The following TATDN2 variants were observed in gnomAD, a reference collection of about 807,000 sequenced individuals.
The protein encoded by TATDN2 is 3'-5' RNA nuclease TATDN2.
Under a neutral mutation model 60.3 loss-of-function variants are expected in TATDN2, and 44 were observed. The observed-to-expected ratio is 0.73, with a 90% CI of 0.57 to 0.94. TATDN2 has a LOEUF of 0.94. Among genes scored for constraint, TATDN2 ranks in the 40% least tolerant of loss-of-function variants. The pLI, the probability that TATDN2 is intolerant of heterozygous loss-of-function variation, is 0.00. For synonymous variants in TATDN2, 399 were observed against 355.8 expected (o/e 1.12, Z -1.37); for missense variants, 997 against 948.0 (o/e 1.05, Z -0.68).
At chr3:10,277,937 G>T (rs1448395131) in intron 5 of TATDN2, among the ~76,000 whole-genome samples, 1 of 152,086 alleles carries the variant, frequency 6.6e-6, no homozygotes, top group Non-Finnish European at 1.5e-5. Flanking sequence ...TTTATATGCT[G>T]TCGTTGTCAT....
chr3:10,268,416 A>G (rs1698510711), intron 3 of TATDN2, among the ~76,000 whole-genome samples: 1 of 152,256 alleles, frequency 6.6e-6, no homozygotes, highest in African/African-American at 2.4e-5. Context: ...TGAATTACAT[A>G]TACTCATAAA....
rs1388201228 is a variant in TATDN2, at chr3:10,278,971, C to T, written c.2232C>T (p.Leu744=). ...REIARVKDQP[L]SLTLAALREN... ...TTGCCAGAGTCAAAGATCAGCCACT[C>T]TCCCTCACCTTGGCTGCCTTGCGTG... The change falls in exon 7 of 8, where the codon CTC becomes CTT. Residue 744 remains leucine (L), a synonymous_variant. Coordinates refer to ENST00000448281, the MANE Select transcript of TATDN2 (RefSeq NM_014760.4). The surrounding 1 kb of genome is among the most constrained non-coding windows in gnomAD (Gnocchi z 4.7). 1.2e-6 allele frequency: 2 copies of T among 1,614,216 alleles called. No homozygotes were observed. Among genetic ancestry groups the T allele is most frequent in the Admixed American group, 3.3e-5 (2 of 60,012 alleles).
intron 1 of TATDN2, 24 bp downstream of exon 1, chr3:10,249,091 C>G: frequency 2.2e-6 from 3 of 1,346,958 alleles, no homozygotes; most frequent in Non-Finnish European, 3.0e-6. Flanking sequence ...GCCCCTGGCT[C>G]TGCCCTTATG....
intron 3 of TATDN2, among the ~76,000 whole-genome samples, chr3:10,266,125 C>T (rs1698471723): frequency 6.6e-6 from 1 of 152,174 alleles, no homozygotes; most frequent in African/African-American, 2.4e-5. Flanking sequence ...TGTGTGCTTT[C>T]CCCTTGTAGG....
intron 2 of TATDN2, among the ~76,000 whole-genome samples, chr3:10,251,098 T>A (rs1355586150): frequency 6.6e-6 from 1 of 152,136 alleles, no homozygotes; most frequent in African/African-American, 2.4e-5. Flanking sequence ...AAAGGGGCCT[T>A]GTTTTGCAAG....
chr3:10,256,421 C>T (rs1698309515), intron 2 of TATDN2, among the ~76,000 whole-genome samples: 1 of 152,042 alleles, frequency 6.6e-6, no homozygotes, highest in Non-Finnish European at 1.5e-5. Context: ...AATGATCCTC[C>T]TGCCTTGGCC....
chr3:10,278,305 T>G lies in TATDN2; in HGVS notation c.1988T>G (p.Val663Gly). ...CATTGCTTCACCGGCAGCTACCCGG[T>G]CATTGAGCCCCTGCTGAAGTACTTT... is the stretch of plus-strand genomic sequence containing the variant. ...HRHCFTGSYP[V>G]IEPLLKYFPN... The change falls in exon 6 of 8, where the codon GTC becomes GGC. Residue 663 changes from valine (V) to glycine (G), a missense_variant. Val to Gly is a moderately radical substitution (Grantham distance 109). Transcript: ENST00000448281. This position sits in a 1 kb window ranked among gnomAD's most constrained non-coding sequence, Gnocchi z 4.7. 6.2e-7 allele frequency: 1 copy of G among 1,614,082 alleles called. No individual in the cohort carries two copies.
intron 2 of TATDN2, among the ~76,000 whole-genome samples, chr3:10,256,523 C>T (rs1336135387): frequency 3.3e-5 from 5 of 152,032 alleles, no homozygotes; most frequent in Admixed American, 3.3e-4. Flanking sequence ...CAGAACCGTG[C>T]CTGCTGGCAC....
chr3:10,258,132 C>G (rs1425055557), intron 2 of TATDN2, among the ~76,000 whole-genome samples: 4 of 151,666 alleles, frequency 2.6e-5, no homozygotes, highest in African/African-American at 4.8e-5. Context: ...ACATTAGCCA[C>G]CGCGCCCAGC....
At chr3:10,268,636 A>G (rs374541265) in intron 3 of TATDN2, among the ~76,000 whole-genome samples, 2 of 152,208 alleles carry the variant, frequency 1.3e-5, no homozygotes, top group African/African-American at 4.8e-5. Context: ...CCTTGGACCT[A>G]TTGAATCACA....
Position 10,278,435 on chromosome 3 carries a change from G to C in TATDN2, c.2118G>C (p.Thr706=), listed in dbSNP as rs148132028. Residue 706 remains threonine, a synonymous_variant, in exon 6 of 8, where the codon ACG becomes ACC. Coordinates refer to ENST00000448281, the MANE Select transcript of TATDN2 (RefSeq NM_014760.4). The surrounding 1 kb of genome is among the most constrained non-coding windows in gnomAD (Gnocchi z 4.7). ...QIPLERIIVE[T]DAPYFLPRQV... ...CACTGGAGAGAATCATCGTGGAAAC[G>C]GATGCTCCCTATTTCCTCCCTCGCC... 11 of 1,613,724 alleles carry C rather than the reference G, an allele frequency of 6.8e-6. No homozygotes were observed. Among genetic ancestry groups the C allele is most frequent in the Non-Finnish European group, 4.2e-6 (5 of 1,179,674 alleles).
chr3:10,252,148 A>AAC (rs1698240713), intron 2 of TATDN2, among the ~76,000 whole-genome samples: 1 of 47,790 alleles, frequency 2.1e-5, no homozygotes, highest in African/African-American at 1.0e-4. Flanking sequence ...ACTCAGTCTC[A>AAC]AAAAAAAAAA....
At chr3:10,257,744 C>G (rs1698331471) in intron 2 of TATDN2, among the ~76,000 whole-genome samples, 1 of 151,044 alleles carries the variant, frequency 6.6e-6, no homozygotes, top group Admixed American at 6.6e-5. Context: ...ACCACCTTTC[C>G]TATTCATCTT....
intron 2 of TATDN2, among the ~76,000 whole-genome samples, chr3:10,256,796 A>G (rs1188670898): frequency 1.3e-5 from 2 of 151,830 alleles, no homozygotes; most frequent in Non-Finnish European, 2.9e-5. Context: ...ATGGGGCCTT[A>G]ACAGACAGGT....
At chr3:10,250,877 A>C (rs1273775422) in intron 2 of TATDN2, among the ~76,000 whole-genome samples, 3 of 151,764 alleles carry the variant, frequency 2.0e-5, no homozygotes, top group Non-Finnish European at 4.4e-5. Flanking sequence ...ACAGCATAAA[A>C]TAATACCAGT....
chr3:10,280,050 C>A lies in TATDN2; in HGVS notation c.*868C>A, dbSNP rs514658. 3 of 153,680 alleles carry A rather than the reference C, an allele frequency of 2.0e-5. No homozygotes were observed. The highest frequency in any genetic ancestry group is 4.8e-5 in the African/African-American group (2 of 41,368). 9.5% of individuals were successfully genotyped at this position (153,680 alleles called of 1,614,324 possible). A position where few individuals can be genotyped will look rare whatever the true frequency, so the allele number is the denominator to read the frequency against. ...AGGGGCTGCCAGCCTCCTTTTGTTT[C>A]ACTTTTGCCCCCTTCTTGGGAACAT... is the stretch of plus-strand genomic sequence containing the variant. On this transcript the variant is annotated 3_prime_UTR_variant, in exon 8 of 8. Coordinates refer to ENST00000448281, the MANE Select transcript of TATDN2 (RefSeq NM_014760.4).
chr3:10,267,162 C>A (rs756426940), intron 3 of TATDN2, among the ~76,000 whole-genome samples: 1 of 151,954 alleles, frequency 6.6e-6, no homozygotes, highest in Non-Finnish European at 1.5e-5. Context: ...CTCAAGTGGT[C>A]TGCCTGCTTT....
At chr3:10,277,823 C>T (rs1698660905) in intron 5 of TATDN2, among the ~76,000 whole-genome samples, 4 of 152,130 alleles carry the variant, frequency 2.6e-5, no homozygotes. Flanking sequence ...TATATGGCAC[C>T]AAGAACATGA....
intron 2 of TATDN2, among the ~76,000 whole-genome samples, chr3:10,258,894 G>A (rs1462939688): frequency 6.6e-6 from 1 of 151,082 alleles, no homozygotes; most frequent in African/African-American, 2.4e-5. Flanking sequence ...TTTTGAGATA[G>A]GGTCTCACTG....
Sources: allele counts gnomAD v4.1 joint callset (sites outside exome capture counted in the v4.1 genomes callset), GRCh38; gene constraint gnomAD v4.1.1; non-coding constraint Gnocchi (gnomAD v3.1); transcripts MANE v1.5; gene names NCBI Gene and HGNC (gene_info 2026-07-23, HGNC 2026-07-21).